Variants in KCNH7 observed in about 807,000 individuals in gnomAD.
The protein encoded by KCNH7 is voltage-gated inwardly rectifying potassium channel KCNH7.
A neutral mutation model predicts 120.8 loss-of-function variants in KCNH7; 49 were observed. That is an observed-to-expected ratio of 0.41 (90% confidence interval 0.32 to 0.51). The LOEUF is 0.51. Among genes scored for constraint, KCNH7 ranks in the 20% least tolerant of loss-of-function variants. The pLI is 0.38. For missense variants in KCNH7, 1,097 were observed against 1,446.6 expected (o/e 0.76, Z 3.92); for synonymous variants, 547 against 516.1 (o/e 1.06, Z -0.81).
intron 2 of KCNH7, among the ~76,000 whole-genome samples, chr2:162,644,418 C>A (rs1684279721): frequency 6.6e-6 from 1 of 151,982 alleles, no homozygotes; most frequent in East Asian, 1.9e-4. Flanking sequence ...TTATTTTTAT[C>A]AGTGAAAAAG....
intron 2 of KCNH7, among the ~76,000 whole-genome samples, chr2:162,702,563 C>T (rs1338331939): frequency 1.3e-5 from 2 of 152,158 alleles, no homozygotes; most frequent in Non-Finnish European, 2.9e-5. Context: ...GATATATTGT[C>T]TGTCAAATAG....
intron 8 of KCNH7, among the ~76,000 whole-genome samples, chr2:162,432,659 A>G (rs1192797297): frequency 6.6e-6 from 1 of 152,064 alleles, no homozygotes; most frequent in African/African-American, 2.4e-5. Flanking sequence ...TTGAAAGATC[A>G]TACTTTGAAA....
At chr2:162,644,342 A>G (rs1010080031) in intron 2 of KCNH7, among the ~76,000 whole-genome samples, 5 of 152,118 alleles carry the variant, frequency 3.3e-5, no homozygotes, top group Non-Finnish European at 7.3e-5. Flanking sequence ...TCCACGTAAA[A>G]TAGTTAAAAG....
At chr2:162,796,710 A>G (rs1259390010) in intron 2 of KCNH7, 1 of 152,086 alleles carries the variant, frequency 6.6e-6, no homozygotes. Flanking sequence ...ACATGGTGCA[A>G]ATATGAACAA....
chr2:162,477,679 A>G (rs1689791443), intron 6 of KCNH7, among the ~76,000 whole-genome samples: 1 of 152,230 alleles, frequency 6.6e-6, no homozygotes, highest in South Asian at 2.1e-4. Context: ...ATTTCATATT[A>G]CTGGATGAAA....
intron 12 of KCNH7, among the ~76,000 whole-genome samples, chr2:162,393,461 C>T (rs1255506893): frequency 6.6e-6 from 1 of 151,764 alleles, no homozygotes; most frequent in Non-Finnish European, 1.5e-5. Context: ...TAGGACTATG[C>T]CTCAAAACTC....
chr2:162,735,413 T>G (rs1687870708), intron 2 of KCNH7, among the ~76,000 whole-genome samples: 1 of 152,168 alleles, frequency 6.6e-6, no homozygotes, highest in Non-Finnish European at 1.5e-5. Context: ...TTGCTTTGCT[T>G]GCTTTCCTAT....
intron 6 of KCNH7, among the ~76,000 whole-genome samples, chr2:162,449,406 G>A (rs1688691626): frequency 6.6e-6 from 1 of 152,046 alleles, no homozygotes; most frequent in Non-Finnish European, 1.5e-5. Context: ...TGACTTGTGG[G>A]TTAAATTGTG....
intron 6 of KCNH7, among the ~76,000 whole-genome samples, chr2:162,488,158 A>G (rs1297472875): frequency 6.6e-6 from 1 of 152,226 alleles, no homozygotes; most frequent in Non-Finnish European, 1.5e-5. Context: ...GACAACAGAT[A>G]TCAACAATCT....
chr2:162,623,205 T>G (rs1683425229), intron 2 of KCNH7, among the ~76,000 whole-genome samples: 1 of 152,136 alleles, frequency 6.6e-6, no homozygotes, highest in South Asian at 2.1e-4. Context: ...GATATCTTCT[T>G]CCTGTACCTC....
chr2:162,374,472 G>A (rs185082145), intron 14 of KCNH7, among the ~76,000 whole-genome samples: 1 of 152,248 alleles, frequency 6.6e-6, no homozygotes, highest in African/African-American at 2.4e-5. Context: ...AGGAAATTTT[G>A]TGGACATAAG....
At chr2:162,797,175 C>T (rs1252966044) in intron 2 of KCNH7, 1 of 152,054 alleles carries the variant, frequency 6.6e-6, no homozygotes, top group African/African-American at 2.4e-5. Context: ...TGACTGCAGT[C>T]TTTCATTGTG....
rs553121768 is a variant in KCNH7 at position 162,688,868 on chromosome 2, C to A, written c.307+147669G>T. Among the ~76,000 whole-genome samples the A allele has an allele frequency of 5.3e-5, 8 of 151,870 alleles. No individual in the cohort carries two copies. In the South Asian group the frequency reaches 1.5e-3, roughly 28 times the overall value. The stretch of plus-strand genomic sequence containing the variant: ...TTATAAGCTGCTACAGTGCAAAAAG[C>A]CAATATATGGAGGCAGAATGATCTG... On this transcript the variant is annotated intron_variant, in intron 2 of 15. Transcript: ENST00000332142.
chr2:162,476,149 G>A (rs887559791), intron 6 of KCNH7, among the ~76,000 whole-genome samples: 8 of 152,096 alleles, frequency 5.3e-5, no homozygotes, highest in Admixed American at 5.2e-4. Flanking sequence ...GGAGTCTGGC[G>A]CCCATTAATG....
At chr2:162,815,702 G>A (rs1684894142) in intron 2 of KCNH7, among the ~76,000 whole-genome samples, 2 of 152,138 alleles carry the variant, frequency 1.3e-5, no homozygotes, top group South Asian at 4.1e-4. Flanking sequence ...AGCTCTAGCA[G>A]CCACAAATCA....
intron 2 of KCNH7, among the ~76,000 whole-genome samples, chr2:162,835,135 T>C (rs186941968): frequency 3.9e-5 from 6 of 152,192 alleles, no homozygotes; most frequent in African/African-American, 9.6e-5. Context: ...ATGCCAACAC[T>C]ACTGATTGAA....
chr2:162,708,967 T>C (rs1686822990), intron 2 of KCNH7, among the ~76,000 whole-genome samples: 1 of 152,064 alleles, frequency 6.6e-6, no homozygotes, highest in East Asian at 1.9e-4. Flanking sequence ...TCTTATCTTG[T>C]TAGTGCTACT....
intron 2 of KCNH7, among the ~76,000 whole-genome samples, chr2:162,726,799 A>G (rs1179625055): frequency 6.6e-6 from 1 of 152,090 alleles, no homozygotes; most frequent in African/African-American, 2.4e-5. Context: ...ATCTTTTGAC[A>G]TGTTCTTAAT....
chr2:162,800,384 A>C (rs1684299545), intron 2 of KCNH7, among the ~76,000 whole-genome samples: 1 of 151,760 alleles, frequency 6.6e-6, no homozygotes, highest in African/African-American at 2.4e-5. Flanking sequence ...TTTTACTGAA[A>C]GTCTTGTACA....
Sources: allele counts gnomAD v4.1 joint callset (sites outside exome capture counted in the v4.1 genomes callset), GRCh38; gene constraint gnomAD v4.1.1; transcripts MANE v1.5; gene names NCBI Gene and HGNC (gene_info 2026-07-23, HGNC 2026-07-21).